GALNTL6: variants seen among roughly 807,000 people sequenced by gnomAD.
The protein encoded by GALNTL6 is polypeptide N-acetylgalactosaminyltransferase like 6.
A neutral mutation model predicts 73.7 loss-of-function variants in GALNTL6; 46 were observed. That is an observed-to-expected ratio of 0.62 (90% CI 0.49 to 0.80). The LOEUF (loss-of-function observed/expected upper bound fraction) is 0.80, where lower values mean the gene tolerates loss of function less well. Among genes scored for constraint, GALNTL6 ranks in the 30% least tolerant of loss-of-function variants. The pLI, the probability that GALNTL6 is intolerant of heterozygous loss-of-function variation, is 0.00. For synonymous variants in GALNTL6, 259 were observed against 263.7 expected (o/e 0.98, Z 0.17); for missense variants, 604 against 755.0 (o/e 0.80, Z 2.34).
intron 5 of GALNTL6, among the ~76,000 whole-genome samples, chr4:172,777,194 C>G (rs1739121288): frequency 6.6e-6 from 1 of 152,106 alleles, no homozygotes; most frequent in South Asian, 2.1e-4. Flanking sequence ...AATGCTCCCC[C>G]CCAAATATCT....
chr4:172,724,245 C>T (rs1018344624), intron 5 of GALNTL6, among the ~76,000 whole-genome samples: 6 of 152,306 alleles, frequency 3.9e-5, no homozygotes, highest in Admixed American at 1.3e-4. Flanking sequence ...ACTTCTCCCA[C>T]CCACATCATC....
At chr4:172,789,614 C>A (rs1250631527) in intron 5 of GALNTL6, among the ~76,000 whole-genome samples, 1 of 151,812 alleles carries the variant, frequency 6.6e-6, no homozygotes, top group African/African-American at 2.4e-5. Context: ...CTGTGCCCTC[C>A]CGGGGTGTGT....
At chr4:171,916,520 A>G (rs767784006) in intron 2 of GALNTL6, among the ~76,000 whole-genome samples, 3 of 152,148 alleles carry the variant, frequency 2.0e-5, no homozygotes, top group Non-Finnish European at 4.4e-5. Flanking sequence ...AGGTGCGTTC[A>G]GACATAAGTC....
Position 172,173,469 on chromosome 4 carries a change from C to T in GALNTL6, c.139-56187C>T, listed in dbSNP as rs115818564. ...GTCGAGGCACACAGTGCACAGGGTG[C>T]ATTTCTGCACCCCATGGCCACTCAG... On this transcript the variant is annotated intron_variant, in intron 2 of 12. Transcript: ENST00000506823. Among the ~76,000 whole-genome samples the T allele has an allele frequency of 4.1e-3, 631 of 152,308 alleles. 2 individuals carry two copies. Among genetic ancestry groups the T allele is most frequent in the African/African-American group, 0.014 (589 of 41,570 alleles).
At chr4:173,006,111 C>G (rs375087697) in intron 10 of GALNTL6, among the ~76,000 whole-genome samples, 1 of 152,132 alleles carries the variant, frequency 6.6e-6, no homozygotes, top group Non-Finnish European at 1.5e-5. Flanking sequence ...CAGAGCTGCT[C>G]CACATGTGAG....
At position 172,198,445 on chromosome 4, in the gene GALNTL6, C is replaced by T. The variant is rs374960381; in HGVS notation, c.139-31211C>T. On this transcript the variant is annotated intron_variant, in intron 2 of 12. Coordinates refer to ENST00000506823, the MANE Select transcript of GALNTL6 (RefSeq NM_001034845.3). ...AAAAAAGACCCCATTAAAAAGTGGG[C>T]AAAAGGTATGAACAGAAACTTCTCA... Among the ~76,000 whole-genome samples the T allele has an allele frequency of 2.7e-5, 4 of 150,712 alleles. No individual in the cohort carries two copies. The East Asian group carries it at 5.9e-4, about 22-fold the overall frequency.
intron 5 of GALNTL6, among the ~76,000 whole-genome samples, chr4:172,679,932 CT>C (rs10709350): frequency 0.36 from 54,416 of 150,546 alleles, 10,678 homozygotes; most frequent in African/African-American, 0.49. Context: ...CCTATGATTA[CT>C]TTTTTTTTTC....
At chr4:173,018,013 A>T (rs1263921045) in intron 11 of GALNTL6, among the ~76,000 whole-genome samples, 1 of 152,164 alleles carries the variant, frequency 6.6e-6, no homozygotes, top group Non-Finnish European at 1.5e-5. Context: ...CTCATGAGGG[A>T]CTGTACTAGG....
rs185411811 is a variant in GALNTL6 at position 172,480,072 on chromosome 4, C to A, written c.553+131383C>A. Among the ~76,000 whole-genome samples the A allele has an allele frequency of 4.0e-3, 611 of 152,260 alleles. 4 individuals carry two copies. The highest frequency in any genetic ancestry group is 6.5e-3 in the Non-Finnish European group (442 of 68,024). On this transcript the variant is annotated intron_variant, in intron 5 of 12. Transcript: ENST00000506823. ...GGGTACAGTGGCTAATGCCTATAACCTTGGGTCTTTCAAAGACCGAGGCAG... is the reference window on the plus strand; with the variant it reads ...GGGTACAGTGGCTAATGCCTATAACATTGGGTCTTTCAAAGACCGAGGCAG...
chr4:172,208,068 A>G (rs1238839915), intron 2 of GALNTL6, among the ~76,000 whole-genome samples: 9 of 152,134 alleles, frequency 5.9e-5, no homozygotes, highest in Admixed American at 5.9e-4. Flanking sequence ...GAATTGTGAT[A>G]TTTTAGTTCT....
At chr4:172,910,274 G>A (rs1261351415) in intron 8 of GALNTL6, among the ~76,000 whole-genome samples, 1 of 152,144 alleles carries the variant, frequency 6.6e-6, no homozygotes, top group Non-Finnish European at 1.5e-5. Flanking sequence ...GGAATGACAA[G>A]GTCTCTACCT....
At chr4:172,175,040 C>G (rs1039605322) in intron 2 of GALNTL6, among the ~76,000 whole-genome samples, 1 of 151,822 alleles carries the variant, frequency 6.6e-6, no homozygotes, top group Non-Finnish European at 1.5e-5. Context: ...TGCAAACTGG[C>G]ATTGATGTGC....
chr4:172,027,417 A>G (rs1163730931), intron 2 of GALNTL6, among the ~76,000 whole-genome samples: 1 of 152,074 alleles, frequency 6.6e-6, no homozygotes, highest in Non-Finnish European at 1.5e-5. Flanking sequence ...TGATATTACT[A>G]TTATAATTGT....
intron 10 of GALNTL6, among the ~76,000 whole-genome samples, chr4:172,974,453 A>G (rs769965105): frequency 9.2e-5 from 14 of 152,200 alleles, no homozygotes; most frequent in Non-Finnish European, 2.1e-4. Context: ...TTTATGGACT[A>G]ATTCATATTT....
At chr4:171,951,364 A>G (rs1738871406) in intron 2 of GALNTL6, among the ~76,000 whole-genome samples, 1 of 152,088 alleles carries the variant, frequency 6.6e-6, no homozygotes, top group Admixed American at 6.5e-5. Context: ...TAATGTTTGT[A>G]TGTTATGCAA....
intron 5 of GALNTL6, among the ~76,000 whole-genome samples, chr4:172,642,106 G>A (rs1363806458): frequency 6.6e-6 from 1 of 151,912 alleles, no homozygotes; most frequent in Non-Finnish European, 1.5e-5. Context: ...AAGAAAAGGG[G>A]ACCCTTGAAT....
At chr4:172,237,066 A>G (rs778438674) in intron 3 of GALNTL6, among the ~76,000 whole-genome samples, 4 of 152,220 alleles carry the variant, frequency 2.6e-5, no homozygotes, top group Non-Finnish European at 5.9e-5. Context: ...TTATGGCTAC[A>G]TAGTATTCCA....
chr4:172,940,605 C>T lies in GALNTL6; in HGVS notation c.1149+9337C>T, dbSNP rs554855606. Among the ~76,000 whole-genome samples the T allele has an allele frequency of 2.0e-5, 3 of 152,162 alleles. No homozygotes were observed. In the South Asian group the frequency reaches 6.2e-4, roughly 32 times the overall value. On this transcript the variant is annotated intron_variant, in intron 9 of 12. Coordinates refer to ENST00000506823, the MANE Select transcript of GALNTL6 (RefSeq NM_001034845.3). ...CTCGATCTCTTGACCTCATGATCTA[C>T]CTGCCTCAGCCTCCCAAAGTGCTGG...
At chr4:172,375,537 G>T (rs1376236806) in intron 5 of GALNTL6, among the ~76,000 whole-genome samples, 1 of 152,210 alleles carries the variant, frequency 6.6e-6, no homozygotes, top group Admixed American at 6.5e-5. Context: ...AACAGTCCCT[G>T]GACCCTGCTG....
Sources: gnomAD v4.1 joint callset for allele counts (sites outside exome capture counted in the v4.1 genomes callset) on GRCh38, gnomAD v4.1.1 for gene constraint, MANE v1.5 for transcripts, NCBI Gene and HGNC (gene_info 2026-07-23, HGNC 2026-07-21) for gene names.